The following NEBL variants were observed in gnomAD, a reference collection of about 807,000 sequenced individuals.
NEBL encodes nebulette, also known as LIM and SH3 protein 2.
Under a neutral mutation model 140.2 loss-of-function variants are expected in NEBL, and 122 were observed. The observed-to-expected ratio is 0.87, with a 90% CI of 0.75 to 1.01. The LOEUF (loss-of-function observed/expected upper bound fraction) is 1.01, where lower values mean the gene tolerates loss of function less well. Among genes scored for constraint, NEBL ranks in the 50% least tolerant of loss-of-function variants. The probability of loss-of-function intolerance (pLI) is 0.00; values close to 1 mark genes in which losing one functional copy is unlikely to be tolerated. For synonymous variants in NEBL, 436 were observed against 398.9 expected (o/e 1.09, Z -1.11); for missense variants, 1,365 against 1,231.3 (o/e 1.11, Z -1.62).
Position 21,044,531 on chromosome 10 carries a change from G to GTGC in NEBL, c.165-24333_165-24331dup, listed in dbSNP as rs1488626630. Among the ~76,000 whole-genome samples the GTGC allele has an allele frequency of 2.0e-5, 3 of 149,906 alleles. No homozygotes were observed. In the South Asian group the frequency reaches 6.4e-4, roughly 32 times the overall value. On this transcript the variant is annotated intron_variant, in intron 2 of 6. Coordinates refer to the NEBL transcript ENST00000417816. Reference sequence around the variant, plus strand: ...ATCCTGAGAAATGCTGATTCATGCAGTGCTGTAGCCAAGTATTTAAATAGG... The same window carrying GTGC: ...ATCCTGAGAAATGCTGATTCATGCAGTGCTGCTGTAGCCAAGTATTTAAATAGG...
intron 2 of NEBL, among the ~76,000 whole-genome samples, chr10:21,155,346 CTTG>C (rs1455947874): frequency 1.3e-5 from 2 of 152,168 alleles, no homozygotes; most frequent in South Asian, 4.2e-4. Context: ...CTATAATCAC[CTTG>C]TTGTGCTATC....
intron 1 of NEBL, among the ~76,000 whole-genome samples, chr10:21,289,700 G>T (rs1248392425): frequency 6.6e-6 from 1 of 152,084 alleles, no homozygotes; most frequent in East Asian, 1.9e-4. Flanking sequence ...AACTAAATTT[G>T]GGCCCCTTTG....
At chr10:21,166,233 A>AG (rs1840760180) in intron 2 of NEBL, among the ~76,000 whole-genome samples, 1 of 125,846 alleles carries the variant, frequency 7.9e-6, no homozygotes, top group African/African-American at 3.6e-5. Flanking sequence ...AAAAAAAAAA[A>AG]AAAAAAAAAA....
chr10:20,938,243 T>G (rs1834618970), intron 4 of NEBL, among the ~76,000 whole-genome samples: 1 of 152,118 alleles, frequency 6.6e-6, no homozygotes, highest in Non-Finnish European at 1.5e-5. Flanking sequence ...AGACAAAACT[T>G]GCAGAGGAAC....
intron 3 of NEBL, among the ~76,000 whole-genome samples, chr10:21,247,460 A>G (rs1046761838): frequency 6.6e-6 from 1 of 152,154 alleles, no homozygotes; most frequent in Non-Finnish European, 1.5e-5. Flanking sequence ...TGGGGGAGCA[A>G]AGAAAATTTA....
chr10:21,221,887 C>T (rs1447347852), intron 3 of NEBL, among the ~76,000 whole-genome samples: 6 of 151,860 alleles, frequency 4.0e-5, no homozygotes, highest in Admixed American at 3.3e-4. Flanking sequence ...TTGTATTGTT[C>T]CTTTTTACAT....
upstream of NEBL, among the ~76,000 whole-genome samples, chr10:20,899,902 C>G (rs1847779668): frequency 6.6e-6 from 1 of 152,114 alleles, no homozygotes; most frequent in Non-Finnish European, 1.5e-5. Flanking sequence ...TTGAATACAT[C>G]TTTTTTCCTC....
chr10:21,022,047 T>G (rs184268040), intron 2 of NEBL, among the ~76,000 whole-genome samples: 1 of 152,154 alleles, frequency 6.6e-6, no homozygotes, highest in South Asian at 2.1e-4. Context: ...GAGATGGCAT[T>G]TCCTCCCTGT....
At chr10:20,900,191 T>C (rs1307255575), upstream of NEBL, among the ~76,000 whole-genome samples, 1 of 152,234 alleles carries the variant, frequency 6.6e-6, no homozygotes, top group Non-Finnish European at 1.5e-5. Context: ...ACTTCTTTTA[T>C]GTTGTTTACT....
chr10:21,116,378 C>CTCT (rs997691918), intron 2 of NEBL, among the ~76,000 whole-genome samples: 1 of 152,046 alleles, frequency 6.6e-6, no homozygotes, highest in African/African-American at 2.4e-5. Context: ...CTGTATCTCT[C>CTCT]TCTTCTTCTT....
intron 3 of NEBL, among the ~76,000 whole-genome samples, chr10:20,977,955 G>A (rs1181867000): frequency 6.6e-6 from 1 of 152,158 alleles, no homozygotes; most frequent in Non-Finnish European, 1.5e-5. Flanking sequence ...GATCTGCCAC[G>A]AAAAGAATAC....
chr10:20,930,448 T>A (rs1834128105), intron 4 of NEBL, among the ~76,000 whole-genome samples: 2 of 152,252 alleles, frequency 1.3e-5, no homozygotes, highest in Non-Finnish European at 2.9e-5. Context: ...AAAACCCATT[T>A]TTCCTAGACA....
At chr10:21,012,989 A>G (rs6482158) in intron 3 of NEBL, among the ~76,000 whole-genome samples, 41,408 of 152,002 alleles carry the variant, frequency 0.27, 11,033 homozygotes, top group African/African-American at 0.68. Context: ...AAAACCTAGC[A>G]GTGCACAAAA....
At chr10:20,894,764 A>AC (rs1484244565) in intron 2 of NEBL, among the ~76,000 whole-genome samples, 1 of 148,968 alleles carries the variant, frequency 6.7e-6, no homozygotes, top group Admixed American at 6.7e-5. Flanking sequence ...AAAAAAAAAA[A>AC]AAAAATACAA....
chr10:20,817,501 C>A lies in NEBL; in HGVS notation c.2148+99G>T, dbSNP rs1838843248. ...TGTTAGTCAAATGAGAACAGGACAT[C>A]AGCTCAAGGTTATGAAAATTCTATA... On this transcript the variant is annotated intron_variant, in intron 21 of 27. Coordinates refer to ENST00000377122, the MANE Select transcript of NEBL (RefSeq NM_006393.3). 8 of 1,020,824 alleles carry A rather than the reference C, an allele frequency of 7.8e-6. No homozygotes were observed. In the East Asian group the frequency reaches 1.9e-4, roughly 25 times the overall value. The allele number at this position is 1,020,824 out of a possible 1,614,324, so 63.2% of individuals were successfully genotyped here.
chr10:21,104,232 T>C (rs1192630556), intron 2 of NEBL, among the ~76,000 whole-genome samples: 1 of 152,234 alleles, frequency 6.6e-6, no homozygotes, highest in Non-Finnish European at 1.5e-5. Context: ...TCCAAAATTG[T>C]GTTTTTGAAT....
At chr10:20,820,763 T>G (rs937004130) in intron 19 of NEBL, among the ~76,000 whole-genome samples, 2 of 151,954 alleles carry the variant, frequency 1.3e-5, no homozygotes, top group Non-Finnish European at 2.9e-5. Context: ...AGGTAGAGGT[T>G]GCAGTGAACT....
intron 4 of NEBL, among the ~76,000 whole-genome samples, chr10:20,947,083 C>G (rs1378718472): frequency 6.6e-6 from 1 of 152,186 alleles, no homozygotes; most frequent in Non-Finnish European, 1.5e-5. Flanking sequence ...GAAGGATTTA[C>G]AGTTTAATAC....
At chr10:21,127,679 C>A (rs1159375215) in intron 2 of NEBL, among the ~76,000 whole-genome samples, 1 of 152,014 alleles carries the variant, frequency 6.6e-6, no homozygotes, top group African/African-American at 2.4e-5. Flanking sequence ...AGCAATCAGC[C>A]CAATCCAGAA....
Sources: gnomAD v4.1 joint callset for allele counts (sites outside exome capture counted in the v4.1 genomes callset) on GRCh38, gnomAD v4.1.1 for gene constraint, MANE v1.5 for transcripts, NCBI Gene and HGNC (gene_info 2026-07-23, HGNC 2026-07-21) for gene names.